Variants in PTCHD4 observed in about 807,000 individuals in gnomAD.
The protein encoded by PTCHD4 is patched domain-containing protein 4.
In PTCHD4, 33 loss-of-function variants were observed where a neutral mutation model predicts 58.1. The observed-to-expected ratio is 0.57, with a 90% CI of 0.43 to 0.76. PTCHD4 has a LOEUF of 0.76. PTCHD4 is among the 30% of genes least tolerant of loss of function. The probability of loss-of-function intolerance (pLI) is 0.00; values close to 1 mark genes in which losing one functional copy is unlikely to be tolerated. For synonymous variants in PTCHD4, 478 were observed against 409.6 expected (o/e 1.17, Z -2.02); for missense variants, 1,058 against 1,027.1 (o/e 1.03, Z -0.41).
chr6:48,008,899 G>C lies in PTCHD4; in HGVS notation c.633C>G (p.Leu211=), dbSNP rs781124064. The C allele has an allele frequency of 1.2e-6, 2 of 1,614,008 alleles. No individual in the cohort carries two copies. Among genetic ancestry groups the C allele is most frequent in the East Asian group, 2.2e-5 (1 of 44,878 alleles). ...KLQEEHQELQ[L]YSLASFSLWR... ...AGAGGCTAAAGGATGCTAAAGAGTA[G>C]AGCTGGAGTTCTTGATGCTCCTCCT... The change falls in exon 4 of 5, where the codon CTC becomes CTG. Residue 211 remains leucine (L), a synonymous_variant. Coordinates refer to ENST00000339488, the MANE Select transcript of PTCHD4 (RefSeq NM_001384253.1).
intron 4 of PTCHD4, among the ~76,000 whole-genome samples, chr6:47,919,328 A>G (rs1357114047): frequency 1.3e-5 from 2 of 152,206 alleles, no homozygotes; most frequent in African/African-American, 4.8e-5. Context: ...GAAGGCCTTC[A>G]GAAAATAATA....
rs1355530259 is a variant in PTCHD4 at position 47,866,792 on chromosome 6, G to A, written c.*11511C>T. 6.6e-6 allele frequency among the ~76,000 whole-genome samples: 1 copy of A among 151,790 alleles called. No homozygotes were observed. The highest frequency in any genetic ancestry group is 2.4e-5 in the African/African-American group (1 of 41,384). On this transcript the variant is annotated 3_prime_UTR_variant, in exon 5 of 5. Coordinates refer to ENST00000339488, the MANE Select transcript of PTCHD4 (RefSeq NM_001384253.1). ...AGTTAGGTTTATGCTTAAAAACTAA[G>A]TGCATATGTACCTTATGTGATCTTC...
chr6:48,019,555 T>C (rs1045056977), intron 3 of PTCHD4, among the ~76,000 whole-genome samples: 1 of 152,034 alleles, frequency 6.6e-6, no homozygotes, highest in Non-Finnish European at 1.5e-5. Flanking sequence ...GCTAACATGG[T>C]GAAACCCTTT....
At position 47,967,004 on chromosome 6, in the gene PTCHD4, T is replaced by G. The variant is rs548963507; in HGVS notation, c.898+41630A>C. ...TTCTCCCATGAATCATGGATGATTG[T>G]AATGGCATCTAGAATGGTGAATCCT... On this transcript the variant is annotated intron_variant, in intron 4 of 4. Transcript: ENST00000339488. Among the ~76,000 whole-genome samples the G allele has an allele frequency of 7.2e-5, 11 of 152,312 alleles. No individual in the cohort carries two copies. In the South Asian group the frequency reaches 2.1e-3, roughly 29 times the overall value.
At chr6:47,962,906 T>C (rs1767150415) in intron 4 of PTCHD4, among the ~76,000 whole-genome samples, 1 of 150,972 alleles carries the variant, frequency 6.6e-6, no homozygotes, top group South Asian at 2.1e-4. Context: ...ACGCCTGTAA[T>C]CCTAGCACTT....
At chr6:47,926,939 C>T (rs1765643138) in intron 4 of PTCHD4, among the ~76,000 whole-genome samples, 1 of 152,074 alleles carries the variant, frequency 6.6e-6, no homozygotes, top group Admixed American at 6.6e-5. Flanking sequence ...ACACTTGCAC[C>T]ATTTGAAGTT....
intron 4 of PTCHD4, among the ~76,000 whole-genome samples, chr6:48,007,719 T>C (rs1454444430): frequency 6.6e-6 from 1 of 152,226 alleles, no homozygotes; most frequent in Non-Finnish European, 1.5e-5. Context: ...GTCTTGCTCA[T>C]GTCAGTTCAC....
At chr6:48,106,643 G>T (rs1765731159) in intron 1 of PTCHD4, among the ~76,000 whole-genome samples, 2 of 152,146 alleles carry the variant, frequency 1.3e-5, no homozygotes, top group African/African-American at 4.8e-5. Flanking sequence ...ATTCAATTAG[G>T]AAAAGAGGAA....
intron 3 of PTCHD4, among the ~76,000 whole-genome samples, chr6:48,048,440 AG>A (rs1764115510): frequency 6.6e-6 from 1 of 151,922 alleles, no homozygotes; most frequent in African/African-American, 2.4e-5. Flanking sequence ...GACATATAAC[AG>A]GCTGATTTTG....
chr6:47,967,779 C>G (rs1034563011), intron 4 of PTCHD4, among the ~76,000 whole-genome samples: 3 of 152,206 alleles, frequency 2.0e-5, no homozygotes, highest in Non-Finnish European at 4.4e-5. Flanking sequence ...TAGCTTCAAA[C>G]TTTTCTTCAC....
intron 3 of PTCHD4, among the ~76,000 whole-genome samples, chr6:48,040,964 T>C (rs1004661101): frequency 6.6e-6 from 1 of 152,108 alleles, no homozygotes; most frequent in South Asian, 2.1e-4. Context: ...GTCTTCAAAA[T>C]TGCATCGTTA....
intron 4 of PTCHD4, among the ~76,000 whole-genome samples, chr6:47,960,022 A>G (rs1328354538): frequency 1.3e-5 from 2 of 152,136 alleles, no homozygotes; most frequent in African/African-American, 2.4e-5. Flanking sequence ...ATGGTTAATG[A>G]CATATGTAAA....
intron 4 of PTCHD4, among the ~76,000 whole-genome samples, chr6:47,965,961 A>T (rs868609343): frequency 1.3e-5 from 2 of 152,134 alleles, no homozygotes; most frequent in African/African-American, 2.4e-5. Context: ...CAACAAAAAA[A>T]ACCCTCTTGG....
chr6:47,941,322 G>A (rs919071865), intron 4 of PTCHD4, among the ~76,000 whole-genome samples: 1 of 152,158 alleles, frequency 6.6e-6, no homozygotes, highest in Admixed American at 6.6e-5. Context: ...GAAGCTGCTG[G>A]CATGCCCTGC....
In PTCHD4 at chr6:47,946,258, T is replaced by A. The variant is rs560090791; in HGVS notation, c.898+62376A>T. Reference sequence around the variant, plus strand: ...AAATATTCCATTATTACTGCTTTTTTTCTGCTACATTTATCAATTATTGAG... The same window carrying A: ...AAATATTCCATTATTACTGCTTTTTATCTGCTACATTTATCAATTATTGAG... On this transcript the variant is annotated intron_variant, in intron 4 of 4. Coordinates refer to ENST00000339488, the MANE Select transcript of PTCHD4 (RefSeq NM_001384253.1). Among the ~76,000 whole-genome samples, 49 of 152,306 alleles carry A rather than the reference T, an allele frequency of 3.2e-4. No homozygotes were observed. In the East Asian group the frequency reaches 9.4e-3, roughly 29 times the overall value.
rs572239237 is a variant in PTCHD4 at position 47,909,635 on chromosome 6, G to A, written c.899-29699C>T. On this transcript the variant is annotated intron_variant, in intron 4 of 4. Transcript: ENST00000339488. Reference sequence around the variant, plus strand: ...TATTTTTATTTTTTGTAGAGACAGGGTATCACTATATTGCCTAGGCTGGCC... The same window carrying A: ...TATTTTTATTTTTTGTAGAGACAGGATATCACTATATTGCCTAGGCTGGCC... Among the ~76,000 whole-genome samples the A allele has an allele frequency of 7.2e-5, 11 of 152,140 alleles. No individual in the cohort carries two copies. The South Asian group carries it at 2.3e-3, about 32-fold the overall frequency.
chr6:47,934,105 G>T (rs531908477), intron 4 of PTCHD4, among the ~76,000 whole-genome samples: 7 of 152,200 alleles, frequency 4.6e-5, no homozygotes, highest in South Asian at 4.1e-4. Context: ...TAATGAGACA[G>T]CCAGGTGGGA....
rs184296749 is a variant in PTCHD4 at position 47,967,547 on chromosome 6, A to G, written c.898+41087T>C. On this transcript the variant is annotated intron_variant, in intron 4 of 4. Coordinates refer to ENST00000339488, the MANE Select transcript of PTCHD4 (RefSeq NM_001384253.1). ...CATTGACTTTTCCTCTTTAGCTATG[A>G]AAGTCCTAGATGGTATCTTCTTCCA... is the stretch of plus-strand genomic sequence containing the variant. Among the ~76,000 whole-genome samples the G allele has an allele frequency of 3.9e-5, 6 of 152,304 alleles. No homozygotes were observed. The East Asian group carries it at 1.2e-3, about 29-fold the overall frequency.
rs76283341 is a variant in PTCHD4, at chr6:48,072,146, T to G, written c.-969-2220A>C. Among the ~76,000 whole-genome samples the G allele has an allele frequency of 7.1e-3, 1,087 of 152,278 alleles. 11 individuals carry two copies. Among genetic ancestry groups the G allele is most frequent in the African/African-American group, 0.025 (1,021 of 41,554 alleles). On this transcript the variant is annotated intron_variant, in intron 1 of 4. Coordinates refer to ENST00000339488, the MANE Select transcript of PTCHD4 (RefSeq NM_001384253.1). Reference sequence around the variant, plus strand: ...GAAGTCACTATGTGCAGCTTACACTTAAGGAGTGGAGAGTTAGGCTCTACC... The same window carrying G: ...GAAGTCACTATGTGCAGCTTACACTGAAGGAGTGGAGAGTTAGGCTCTACC...
Sources: allele counts gnomAD v4.1 joint callset (sites outside exome capture counted in the v4.1 genomes callset), GRCh38; gene constraint gnomAD v4.1.1; transcripts MANE v1.5; gene names NCBI Gene and HGNC (gene_info 2026-07-23, HGNC 2026-07-21).